Variants in GINS1 observed in about 807,000 individuals in gnomAD.
The protein encoded by GINS1 is GINS complex subunit 1.
GINS1 carries 26 observed loss-of-function variants against 34.9 expected under a neutral mutation model. The observed-to-expected ratio is 0.74, with a 90% CI of 0.55 to 1.03. GINS1 has a LOEUF of 1.03. Among genes scored for constraint, GINS1 ranks in the 50% least tolerant of loss-of-function variants. The pLI is 0.00. For missense variants in GINS1, 235 were observed against 237.9 expected (o/e 0.99, Z 0.08); for synonymous variants, 97 against 84.4 (o/e 1.15, Z -0.82).
Position 25,441,887 on chromosome 20 carries a change from A to G in GINS1, c.522+111A>G, listed in dbSNP as rs1313220499. 6 of 623,022 alleles carry G rather than the reference A, an allele frequency of 9.6e-6. 1 individual carries two copies. In the Admixed American group the frequency reaches 1.8e-4, roughly 19 times the overall value. The allele number at this position is 623,022 out of a possible 1,614,324, so 38.6% of individuals were successfully genotyped here. A position where few individuals can be genotyped will look rare whatever the true frequency, so the allele number is the denominator to read the frequency against. On this transcript the variant is annotated intron_variant, in intron 6 of 6. Transcript: ENST00000262460. ...TTTGATGATCGTTTATATATTAGGC[A>G]TTATCTTTTAGTATAATATACCCTG...
At position 25,431,607 on chromosome 20, in the gene GINS1, G is replaced by T. The variant is rs186354608; in HGVS notation, c.447+6280G>T. ...TTTTTTTGAGACAGGATCTCACTCT[G>T]TTACCCAGGCTGTAGTGCAGTGTCA... On this transcript the variant is annotated intron_variant, in intron 5 of 6. Coordinates refer to ENST00000262460, the MANE Select transcript of GINS1 (RefSeq NM_021067.5). 3.8e-3 allele frequency among the ~76,000 whole-genome samples: 514 copies of T among 134,912 alleles called. 5 individuals carry two copies. Among genetic ancestry groups the T allele is most frequent in the African/African-American group, 0.014 (483 of 35,476 alleles). The allele number at this position is 134,912 out of a possible 152,430, so 88.5% of individuals were successfully genotyped here.
In GINS1 at chr20:25,410,326, GA is replaced by G. The variant is rs1381785563; in HGVS notation, c.75+2432del. On this transcript the variant is annotated intron_variant, in intron 1 of 6. Coordinates refer to ENST00000262460, the MANE Select transcript of GINS1 (RefSeq NM_021067.5). ...ACTGCACTACAGCCTGGGCGACAGAGAGAGACTCCGCCTCAAAAAAAAAAAA... is the reference window on the plus strand; with the variant it reads ...ACTGCACTACAGCCTGGGCGACAGAGGAGACTCCGCCTCAAAAAAAAAAAA... Among the ~76,000 whole-genome samples, 3 of 151,440 alleles carry G rather than the reference GA, an allele frequency of 2.0e-5. No individual in the cohort carries two copies. In the East Asian group the frequency reaches 5.8e-4, roughly 29 times the overall value.
At chr20:25,421,005 A>G (rs1347266315) in intron 4 of GINS1, 1 of 971,812 alleles carries the variant, frequency 1.0e-6, no homozygotes, top group Non-Finnish European at 1.2e-6. Context: ...CTGACAGCTT[A>G]TAGGAGCCTA....
intron 4 of GINS1, among the ~76,000 whole-genome samples, chr20:25,424,927 T>A (rs769693759): frequency 2.6e-5 from 4 of 152,206 alleles, no homozygotes; most frequent in Admixed American, 6.5e-5. Context: ...ATGGCGTCTT[T>A]TTCATGGTTC....
rs557093861 is a variant in GINS1 at position 25,408,409 on chromosome 20, C to A, written c.75+514C>A. Among the ~76,000 whole-genome samples the A allele has an allele frequency of 3.3e-5, 5 of 152,344 alleles. No individual in the cohort carries two copies. The South Asian group carries it at 1.0e-3, about 32-fold the overall frequency. On this transcript the variant is annotated intron_variant, in intron 1 of 6. Coordinates refer to ENST00000262460, the MANE Select transcript of GINS1 (RefSeq NM_021067.5). Reference sequence around the variant, plus strand: ...TGTAAGGGTCTCTGCATATGCCTCACATACAGTAAGGGCTGAGTCAGTGTT... The same window carrying A: ...TGTAAGGGTCTCTGCATATGCCTCAAATACAGTAAGGGCTGAGTCAGTGTT...
At chr20:25,433,949 G>GT (rs1161858708) in intron 5 of GINS1, among the ~76,000 whole-genome samples, 2 of 151,946 alleles carry the variant, frequency 1.3e-5, no homozygotes, top group African/African-American at 4.8e-5. Flanking sequence ...ACTAATCAAT[G>GT]TTTTTTTAAA....
intron 5 of GINS1, among the ~76,000 whole-genome samples, chr20:25,428,969 CTTTTTTTTT>C (rs77113924): frequency 3.9e-3 from 492 of 126,824 alleles, no homozygotes; most frequent in African/African-American, 0.013. Context: ...ATTCCTCTCT[CTTTTTTTTT>C]TTTTTTTTTT....
intron 5 of GINS1, among the ~76,000 whole-genome samples, chr20:25,428,928 T>G (rs981244358): frequency 6.6e-6 from 1 of 151,612 alleles, no homozygotes; most frequent in Non-Finnish European, 1.5e-5. Context: ...TGCAGTAAGT[T>G]TAAATTAGGG....
At chr20:25,426,905 A>G (rs551022430) in intron 5 of GINS1, among the ~76,000 whole-genome samples, 92 of 152,172 alleles carry the variant, frequency 6.0e-4, no homozygotes, top group Non-Finnish European at 1.1e-3. Context: ...TTATCCATCT[A>G]TGGACACTGG....
At chr20:25,437,873 C>G (rs1239580594) in intron 5 of GINS1, among the ~76,000 whole-genome samples, 2 of 152,096 alleles carry the variant, frequency 1.3e-5, no homozygotes, top group African/African-American at 4.8e-5. Context: ...AATCCCAGCA[C>G]TTTGGGAGGC....
chr20:25,410,782 C>T (rs975834375), intron 1 of GINS1, among the ~76,000 whole-genome samples: 3 of 151,964 alleles, frequency 2.0e-5, no homozygotes, highest in Admixed American at 6.6e-5. Context: ...GGGCTGGTCT[C>T]GAACTCCTGA....
chr20:25,445,746 GTGCTGGGATT>G (rs1305267086), intron 6 of GINS1, among the ~76,000 whole-genome samples, 167 bp from the exon 7 acceptor site: 1 of 152,114 alleles, frequency 6.6e-6, no homozygotes, highest in African/African-American at 2.4e-5. Flanking sequence ...GTGTCCTAAA[GTGCTGGGATT>G]TCAGGCATGA....
chr20:25,430,331 A>G (rs1018306360), intron 5 of GINS1, among the ~76,000 whole-genome samples: 5 of 152,198 alleles, frequency 3.3e-5, no homozygotes, highest in African/African-American at 1.2e-4. Flanking sequence ...TATGAAAGGA[A>G]GTTGAATTTT....
intron 4 of GINS1, among the ~76,000 whole-genome samples, chr20:25,423,153 C>T (rs1238931493): frequency 2.7e-5 from 4 of 146,800 alleles, no homozygotes; most frequent in Admixed American, 6.8e-5. Flanking sequence ...TTGACTCTGT[C>T]GCACAGGCTG....
intron 4 of GINS1, chr20:25,421,007 A>G: frequency 1.7e-5 from 17 of 972,716 alleles, no homozygotes; most frequent in Non-Finnish European, 2.1e-5. Context: ...GACAGCTTAT[A>G]GGAGCCTATG....
At position 25,426,679 on chromosome 20, in the gene GINS1, CCACCCCT is replaced by C. The variant is rs2090392927; in HGVS notation, c.447+1353_447+1359del. On this transcript the variant is annotated intron_variant, in intron 5 of 6. Transcript: ENST00000262460. ...CAGCTGGGATTACAGGCATGTGCCACCACCCCTGGCTAATTTTGTATCTTTAGTAGAG... is the reference window on the plus strand; with the variant it reads ...CAGCTGGGATTACAGGCATGTGCCACGGCTAATTTTGTATCTTTAGTAGAG... Among the ~76,000 whole-genome samples, 4 of 151,830 alleles carry C rather than the reference CCACCCCT, an allele frequency of 2.6e-5. No individual in the cohort carries two copies. The South Asian group carries it at 8.3e-4, about 32-fold the overall frequency.
chr20:25,432,371 C>T lies in GINS1; in HGVS notation c.447+7044C>T, dbSNP rs145770259. Among the ~76,000 whole-genome samples the T allele has an allele frequency of 1.9e-3, 282 of 151,542 alleles. 3 individuals are homozygous for T. The highest frequency in any genetic ancestry group is 0.012 in the East Asian group (60 of 5,152). On this transcript the variant is annotated intron_variant, in intron 5 of 6. Transcript: ENST00000262460. ...TGTTGCCCAGGCAGTGGCACAATCT[C>T]GGCTCACTGCAACCTCCGCCTCCCG...
At chr20:25,425,165 C>A in intron 4 of GINS1, 46 bp from the exon 5 acceptor site, 1 of 824,200 alleles carries the variant, frequency 1.2e-6, no homozygotes, top group South Asian at 1.4e-5. Flanking sequence ...TCAGTGTGTG[C>A]AAGTTTTCTT....
At chr20:25,440,636 C>T (rs2090476772) in intron 5 of GINS1, among the ~76,000 whole-genome samples, 1 of 151,778 alleles carries the variant, frequency 6.6e-6, no homozygotes, top group Non-Finnish European at 1.5e-5. Flanking sequence ...CATGGTGAAA[C>T]CCCATCTCTA....
Sources: gnomAD v4.1 joint callset for allele counts (sites outside exome capture counted in the v4.1 genomes callset) on GRCh38, gnomAD v4.1.1 for gene constraint, MANE v1.5 for transcripts, NCBI Gene and HGNC (gene_info 2026-07-23, HGNC 2026-07-21) for gene names.